Variants in RGSL1 observed in about 807,000 individuals in gnomAD.
RGSL1 encodes regulator of G protein signaling protein-like.
RGSL1 carries 97 observed loss-of-function variants against 124.7 expected under a neutral mutation model. That is an observed-to-expected ratio of 0.78 (90% CI 0.66 to 0.92). The LOEUF (loss-of-function observed/expected upper bound fraction) is 0.92, where lower values mean the gene tolerates loss of function less well. Among genes scored for constraint, RGSL1 ranks in the 40% least tolerant of loss-of-function variants. The pLI is 0.00. For synonymous variants in RGSL1, 424 were observed against 438.1 expected (o/e 0.97, Z 0.40); for missense variants, 1,233 against 1,288.4 (o/e 0.96, Z 0.66).
chr1:182,550,954 A>C, intron 17 of RGSL1, 146 bp from the exon 18 acceptor site: 1 of 622,452 alleles, frequency 1.6e-6, no homozygotes, highest in Non-Finnish European at 2.9e-6. Flanking sequence ...TGGCAGGTAG[A>C]ACCCCAAGGC....
At chr1:182,528,694 G>C (rs1006081664) in intron 11 of RGSL1, among the ~76,000 whole-genome samples, 2 of 152,202 alleles carry the variant, frequency 1.3e-5, no homozygotes, top group Non-Finnish European at 2.9e-5. Context: ...TGATACAACA[G>C]GTGGGCTCCC....
intron 3 of RGSL1, among the ~76,000 whole-genome samples, chr1:182,459,268 T>A (rs1018243723): frequency 1.3e-5 from 2 of 152,220 alleles, no homozygotes; most frequent in Admixed American, 1.3e-4. Flanking sequence ...TTTTCTTATT[T>A]TTCCCCTTGT....
chr1:182,459,720 CT>C (rs1321268792), intron 3 of RGSL1, among the ~76,000 whole-genome samples: 1 of 152,146 alleles, frequency 6.6e-6, no homozygotes. Context: ...TAGATTTTTT[CT>C]TTAACAACTT....
At chr1:182,476,849 C>T (rs924780426) in intron 6 of RGSL1, among the ~76,000 whole-genome samples, 1 of 152,126 alleles carries the variant, frequency 6.6e-6, no homozygotes, top group Non-Finnish European at 1.5e-5. Context: ...TGGCTGTGCT[C>T]TGTAACATAC....
At position 182,539,955 on chromosome 1, in the gene RGSL1, C is replaced by T. The variant is rs562266966; in HGVS notation, c.2495-292C>T. On this transcript the variant is annotated intron_variant, in intron 14 of 21. Transcript: ENST00000294854. ...AAGGTCACATCTCGTGTTTCATTTT[C>T]AGTCTCTGCAGAAACCTTAGGGATT... Among the ~76,000 whole-genome samples the T allele has an allele frequency of 3.9e-5, 6 of 152,314 alleles. No individual in the cohort carries two copies. The East Asian group carries it at 1.2e-3, about 29-fold the overall frequency.
intron 13 of RGSL1, among the ~76,000 whole-genome samples, chr1:182,531,692 A>G (rs1659183793): frequency 1.3e-5 from 2 of 152,218 alleles, no homozygotes; most frequent in African/African-American, 2.4e-5. Flanking sequence ...ACGAATGGTC[A>G]TATAGACTAC....
At chr1:182,512,056 G>GCTA (rs1657503220) in intron 9 of RGSL1, among the ~76,000 whole-genome samples, 1 of 151,996 alleles carries the variant, frequency 6.6e-6, no homozygotes, top group South Asian at 2.1e-4. Context: ...GTATATAAAT[G>GCTA]CTACTAATTT....
intron 7 of RGSL1, chr1:182,488,586 C>T (rs1256890181): frequency 8.8e-6 from 4 of 454,060 alleles, no homozygotes; most frequent in South Asian, 4.7e-5. Flanking sequence ...ATTAGCCGGG[C>T]GTAGTGGCGG....
chr1:182,556,128 T>C lies in RGSL1; in HGVS notation c.*71T>C. The C allele has an allele frequency of 6.9e-7, 1 of 1,441,900 alleles. No homozygotes were observed. The highest frequency in any genetic ancestry group is 9.5e-7 in the Non-Finnish European group (1 of 1,058,166). The allele number at this position is 1,441,900 out of a possible 1,614,324, so 89.3% of individuals were successfully genotyped here. A position where few individuals can be genotyped will look rare whatever the true frequency, so the allele number is the denominator to read the frequency against. ...CTAACACTGACAGAAACTTTTCTGG[T>C]CAAAAATGAAAGGTCCTGGTACCAT... is the stretch of plus-strand genomic sequence containing the variant. On this transcript the variant is annotated 3_prime_UTR_variant, in exon 21 of 22. Coordinates refer to ENST00000294854, the MANE Select transcript of RGSL1 (RefSeq NM_001137669.2).
intron 18 of RGSL1, among the ~76,000 whole-genome samples, chr1:182,552,147 T>C (rs897365544): frequency 4.6e-5 from 7 of 151,476 alleles, no homozygotes; most frequent in Non-Finnish European, 1.0e-4. Flanking sequence ...GCAGTCTCGC[T>C]CTGTGGCCCA....
chr1:182,473,849 C>A lies in RGSL1; in HGVS notation c.738C>A (p.Tyr246Ter). The A allele has an allele frequency of 6.4e-7, 1 of 1,551,736 alleles. No individual in the cohort carries two copies. Among genetic ancestry groups the A allele is most frequent in the Non-Finnish European group, 8.7e-7 (1 of 1,146,996 alleles). The change falls in exon 6 of 22, where the codon TAC (tyrosine) becomes TAA (stop). Residue 246 changes from tyrosine (Y) to a stop codon, truncating the protein, a stop_gained. Transcript: ENST00000294854. LOFTEE classifies it high-confidence loss of function. ...AGTGCCACCACTTTCAGAAACGGTA[C>A]TCAAGCAGGAAAGCCAAGAGGAAGA... The part of the protein sequence containing the change: ...IKKCHHFQKR[Y>*]SSRKAKRKMW...
At chr1:182,471,214 G>T (rs1324244648) in intron 4 of RGSL1, 9 of 455,308 alleles carry the variant, frequency 2.0e-5, no homozygotes, top group Non-Finnish European at 4.0e-5. Flanking sequence ...CTGGCAGTGT[G>T]CAAGGCTGGG....
intron 15 of RGSL1, among the ~76,000 whole-genome samples, chr1:182,541,696 C>T (rs1659900082): frequency 6.6e-6 from 1 of 152,146 alleles, no homozygotes; most frequent in Non-Finnish European, 1.5e-5. Context: ...TGCCACCAAC[C>T]AGGTACAAGG....
At chr1:182,511,433 G>A (rs1657453107) in intron 9 of RGSL1, among the ~76,000 whole-genome samples, 1 of 152,112 alleles carries the variant, frequency 6.6e-6, no homozygotes, top group South Asian at 2.1e-4. Flanking sequence ...CTAAGAGCTG[G>A]GATTACAGGT....
At chr1:182,559,959 G>A (rs565138224) in intron 21 of RGSL1, among the ~76,000 whole-genome samples, 1 of 152,196 alleles carries the variant, frequency 6.6e-6, no homozygotes, top group South Asian at 2.1e-4. Flanking sequence ...ATTTTTATTT[G>A]TACCTAGAAT....
intron 15 of RGSL1, among the ~76,000 whole-genome samples, chr1:182,542,960 T>C (rs919045845): frequency 2.6e-5 from 4 of 152,174 alleles, no homozygotes; most frequent in Non-Finnish European, 1.5e-5. Context: ...GTGAAGTCTT[T>C]AGGTTTTTCT....
intron 13 of RGSL1, among the ~76,000 whole-genome samples, chr1:182,531,961 C>T (rs1417612575): frequency 6.6e-6 from 1 of 152,182 alleles, no homozygotes; most frequent in Non-Finnish European, 1.5e-5. Flanking sequence ...AAGCTCCAGA[C>T]TCAAAGTTTT....
At chr1:182,543,954 CTT>C (rs1473122436) in intron 15 of RGSL1, among the ~76,000 whole-genome samples, 1 of 151,830 alleles carries the variant, frequency 6.6e-6, no homozygotes, top group African/African-American at 2.4e-5. Flanking sequence ...AGAAAACTAA[CTT>C]TTTGTTTCAT....
At chr1:182,549,311 ATTGAAATGTGTAT>A (rs1660419663) in intron 17 of RGSL1, 1 of 153,824 alleles carries the variant, frequency 6.5e-6, no homozygotes. Context: ...GGAGCTAGAC[ATTGAAATGTGTAT>A]TTCATCTCTC....
Sources: allele counts gnomAD v4.1 joint callset (sites outside exome capture counted in the v4.1 genomes callset), GRCh38; gene constraint gnomAD v4.1.1; transcripts MANE v1.5; gene names NCBI Gene and HGNC (gene_info 2026-07-23, HGNC 2026-07-21).